RBFOX3: variants seen among roughly 807,000 people sequenced by gnomAD.
The protein encoded by RBFOX3 is RNA binding protein fox-1 homolog 3.
RBFOX3 carries 17 observed loss-of-function variants against 48.7 expected under a neutral mutation model. The observed-to-expected ratio is 0.35, with a 90% CI of 0.24 to 0.52. The LOEUF (loss-of-function observed/expected upper bound fraction) is 0.52. Ranked by LOEUF, RBFOX3 falls within the 20% of genes least tolerant of loss-of-function variation. RBFOX3 has a pLI of 0.94. For synonymous variants in RBFOX3, 212 were observed against 209.5 expected, an observed-to-expected ratio of 1.01 and a Z score of -0.10; for missense variants, 382 against 497.5, an observed-to-expected ratio of 0.77 and a Z score of 2.21.
chr17:79,509,623 A>G (rs1336868841), intron 1 of RBFOX3, among the ~76,000 whole-genome samples: 1 of 152,096 alleles, frequency 6.6e-6, no homozygotes, highest in Non-Finnish European at 1.5e-5. Context: ...TAACGGTTCC[A>G]TGGCAGGGTC....
chr17:79,512,822 C>T (rs570948655), intron 1 of RBFOX3, among the ~76,000 whole-genome samples: 19 of 148,288 alleles, frequency 1.3e-4, no homozygotes, highest in Non-Finnish European at 2.1e-4. Context: ...GACGCACACC[C>T]GGATACGTGT....
At chr17:79,602,711 T>C (rs2093733601) in intron 1 of RBFOX3, among the ~76,000 whole-genome samples, 2 of 152,262 alleles carry the variant, frequency 1.3e-5, no homozygotes, top group South Asian at 2.1e-4. Flanking sequence ...CGGTTTTTCA[T>C]GGGTTGAGAA....
chr17:79,607,412 G>C (rs1236559372), intron 1 of RBFOX3, among the ~76,000 whole-genome samples: 1 of 152,122 alleles, frequency 6.6e-6, no homozygotes, highest in Non-Finnish European at 1.5e-5. Context: ...CTGGGCTAGA[G>C]GAGGGAAGCC....
intron 1 of RBFOX3, among the ~76,000 whole-genome samples, chr17:79,501,588 C>T (rs2082396597): frequency 6.6e-6 from 1 of 152,238 alleles, no homozygotes; most frequent in South Asian, 2.1e-4. Context: ...CTGGGCCCCT[C>T]CCTCTGAGGA....
At chr17:79,396,413 T>G (rs2062000254) in intron 2 of RBFOX3, among the ~76,000 whole-genome samples, 1 of 152,190 alleles carries the variant, frequency 6.6e-6, no homozygotes, top group South Asian at 2.1e-4. Flanking sequence ...TGCAGCATCC[T>G]AAGGAAAAGG....
chr17:79,286,517 C>G (rs1381971111), intron 3 of RBFOX3, among the ~76,000 whole-genome samples: 1 of 152,182 alleles, frequency 6.6e-6, no homozygotes, highest in African/African-American at 2.4e-5. Flanking sequence ...ACGCCCGGCC[C>G]CTGATGCTTA....
At chr17:79,567,180 C>T (rs1286477321) in intron 1 of RBFOX3, among the ~76,000 whole-genome samples, 40,671 of 92,992 alleles carry the variant, frequency 0.44, 10,240 homozygotes, top group South Asian at 0.57. Context: ...TTCTTTCTTT[C>T]TTTTTTTTTT....
At chr17:79,611,169 T>TCTCTCTCTCTCTCTCTCTCTCCTCTCTCG, upstream of RBFOX3, among the ~76,000 whole-genome samples, 1 of 25,908 alleles carries the variant, frequency 3.9e-5, no homozygotes, top group Non-Finnish European at 8.1e-5. Flanking sequence ...TCTCTCTCTC[T>TCTCTCTCTCTCTCTCTCTCTCCTCTCTCG]CTCTCCGCCC....
At chr17:79,510,872 C>T (rs2084061821) in intron 1 of RBFOX3, among the ~76,000 whole-genome samples, 1 of 152,096 alleles carries the variant, frequency 6.6e-6, no homozygotes, top group Non-Finnish European at 1.5e-5. Flanking sequence ...CCTCGCTCTA[C>T]CTTCCCCTGG....
intron 1 of RBFOX3, among the ~76,000 whole-genome samples, chr17:79,489,326 A>G (rs1225004672): frequency 6.6e-6 from 1 of 151,242 alleles, no homozygotes; most frequent in Non-Finnish European, 1.5e-5. Flanking sequence ...ACAGGGTCTC[A>G]CTCTGTCACC....
intron 1 of RBFOX3, among the ~76,000 whole-genome samples, chr17:79,589,769 C>T (rs2093363869): frequency 1.3e-5 from 2 of 152,126 alleles, no homozygotes; most frequent in South Asian, 2.1e-4. Context: ...GTGGGTTTGG[C>T]CTGCATCGTC....
intron 2 of RBFOX3, among the ~76,000 whole-genome samples, chr17:79,402,665 C>T (rs1351084401): frequency 6.6e-6 from 1 of 152,282 alleles, no homozygotes; most frequent in East Asian, 1.9e-4. Flanking sequence ...CTTTGGCTCT[C>T]GGTCTCCTTG....
At chr17:79,128,257 G>A (rs1247934938) in intron 4 of RBFOX3, among the ~76,000 whole-genome samples, 1 of 152,220 alleles carries the variant, frequency 6.6e-6, no homozygotes, top group Non-Finnish European at 1.5e-5. Flanking sequence ...CTGGCATTGA[G>A]CATTTGCTTC....
intron 2 of RBFOX3, among the ~76,000 whole-genome samples, chr17:79,415,432 G>A (rs141650639): frequency 1.5e-3 from 228 of 152,284 alleles, no homozygotes; most frequent in Admixed American, 4.1e-3. Flanking sequence ...CCCTGAGGCC[G>A]ACCCTAGCGG....
At chr17:79,091,887 T>C in intron 14 of RBFOX3, 1 of 857,842 alleles carries the variant, frequency 1.2e-6, no homozygotes. Context: ...TCGCAGAGAC[T>C]GGCGTGACCA....
chr17:79,185,393 C>T (rs546122527), intron 4 of RBFOX3, among the ~76,000 whole-genome samples: 1 of 152,314 alleles, frequency 6.6e-6, no homozygotes, highest in South Asian at 2.1e-4. Flanking sequence ...GCCGGGCATG[C>T]CTGGGCCAGG....
At chr17:79,459,157 C>T (rs2075027706) in intron 2 of RBFOX3, among the ~76,000 whole-genome samples, 1 of 152,162 alleles carries the variant, frequency 6.6e-6, no homozygotes, top group Non-Finnish European at 1.5e-5. Flanking sequence ...CCAGGTCCCT[C>T]TTCTGGCATG....
intron 1 of RBFOX3, among the ~76,000 whole-genome samples, chr17:79,527,598 A>G (rs970640172): frequency 7.2e-5 from 11 of 152,196 alleles, no homozygotes; most frequent in Non-Finnish European, 1.0e-4. Context: ...GTGTATTTCT[A>G]TACATTATTC....
In RBFOX3 at chr17:79,480,863, C is replaced by T. The variant is rs1042716281; in HGVS notation, c.-175+1591G>A. 4.6e-5 allele frequency among the ~76,000 whole-genome samples: 7 copies of T among 152,320 alleles called. No homozygotes were observed. In the East Asian group the frequency reaches 7.7e-4, roughly 17 times the overall value. ...TTATGGCGCCTGACATACATTTATTCGCCATGTCCCTGCTAAAATATAAAC... is the reference window on the plus strand; with the variant it reads ...TTATGGCGCCTGACATACATTTATTTGCCATGTCCCTGCTAAAATATAAAC... On this transcript the variant is annotated intron_variant, in intron 2 of 14. Transcript: ENST00000693108. This position sits in a 1 kb window ranked among gnomAD's most constrained non-coding sequence, Gnocchi z 4.8.
Sources: allele counts gnomAD v4.1 joint callset (sites outside exome capture counted in the v4.1 genomes callset), GRCh38; gene constraint gnomAD v4.1.1; non-coding constraint Gnocchi (gnomAD v3.1); transcripts MANE v1.5; gene names NCBI Gene and HGNC (gene_info 2026-07-23, HGNC 2026-07-21).